ANKRD36: variants seen among roughly 807,000 people sequenced by gnomAD.
ANKRD36 encodes ankyrin repeat domain 36, also known as ankyrin repeat domain-containing protein 36A.
In ANKRD36, 179 loss-of-function variants were observed where a neutral mutation model predicts 278.1. The ratio of observed to expected loss-of-function variants is 0.64; its 90% CI spans 0.57 to 0.73. The LOEUF (loss-of-function observed/expected upper bound fraction) is 0.73. Ranked by LOEUF, ANKRD36 falls within the 30% of genes least tolerant of loss-of-function variation. The probability of loss-of-function intolerance (pLI) is 0.00; values close to 1 mark genes in which losing one functional copy is unlikely to be tolerated. For synonymous variants in ANKRD36, 320 were observed against 641.1 expected (o/e 0.50, Z 7.57); for missense variants, 1,159 against 1,956.7 (o/e 0.59, Z 7.69).
chr2:97,165,742 C>A (rs2050457825), intron 20 of ANKRD36, among the ~76,000 whole-genome samples: 2 of 152,214 alleles, frequency 1.3e-5, no homozygotes, highest in African/African-American at 4.8e-5. Context: ...CTGTGTTTTC[C>A]TGTATTTTGT....
At chr2:97,154,969 GA>G (rs953507105) in intron 15 of ANKRD36, among the ~76,000 whole-genome samples, 2 of 142,120 alleles carry the variant, frequency 1.4e-5, no homozygotes, top group Admixed American at 7.0e-5. Flanking sequence ...GGTGTGATCT[GA>G]AAAAAAAATT....
At chr2:97,199,685 T>C (rs550106058) in intron 44 of ANKRD36, among the ~76,000 whole-genome samples, 1 of 152,000 alleles carries the variant, frequency 6.6e-6, no homozygotes, top group South Asian at 2.1e-4. Flanking sequence ...CAAGAGTGGA[T>C]GAAGAAACTT....
intron 44 of ANKRD36, 139 bp from the exon 45 acceptor site, chr2:97,200,195 C>G: frequency 6.5e-7 from 1 of 1,532,608 alleles, no homozygotes; most frequent in East Asian, 2.4e-5. Flanking sequence ...TGTTCTGATC[C>G]CCAGACACAA....
chr2:97,202,412 T>A lies in ANKRD36; in HGVS notation c.2959+19T>A, dbSNP rs1316767287. The A allele has an allele frequency of 1.3e-6, 2 of 1,545,338 alleles. No individual in the cohort carries two copies. The highest frequency in any genetic ancestry group is 2.4e-5 in the South Asian group (2 of 83,950). ...AGGACAGGTAATTTTGAAAACAGAT[T>A]TAATGTCATGTTCAGTCCAGGTAGA... On this transcript the variant is annotated intron_variant, in intron 48 of 75. Coordinates refer to ENST00000420699, the MANE Select transcript of ANKRD36 (RefSeq NM_001354587.1).
At chr2:97,198,710 T>C (rs2060485770) in intron 44 of ANKRD36, 52 bp downstream of exon 44, 1 of 1,488,580 alleles carries the variant, frequency 6.7e-7, no homozygotes, top group Non-Finnish European at 9.1e-7. Flanking sequence ...AGATAAGAAG[T>C]TCTCTTCCCT....
In ANKRD36 at chr2:97,127,102, G is replaced by C; in HGVS notation, c.767G>C (p.Arg256Thr). 34 of 1,315,424 alleles carry C rather than the reference G, an allele frequency of 2.6e-5. No homozygotes were observed. Among genetic ancestry groups the C allele is most frequent in the Non-Finnish European group, 3.4e-5 (33 of 968,022 alleles). The allele number at this position is 1,315,424 out of a possible 1,614,324, so 81.5% of individuals were successfully genotyped here. The change falls in exon 6 of 76, where the codon AGA becomes ACA. Residue 256 changes from arginine (R) to threonine (T), a missense_variant. Coordinates refer to ENST00000420699, the MANE Select transcript of ANKRD36 (RefSeq NM_001354587.1). Reference sequence around the variant, plus strand: ...CTAATTTATGAATACGAAAGAAAGAGATATGAAGATCTTCCTATAAATAGC... The same window carrying C: ...CTAATTTATGAATACGAAAGAAAGACATATGAAGATCTTCCTATAAATAGC... ...FDLIYEYERKRYEDLPINSNP... is the reference protein window; with the variant it reads ...FDLIYEYERKTYEDLPINSNP...
At chr2:97,196,864 G>A in intron 42 of ANKRD36, 76 bp downstream of exon 42, 1 of 1,533,930 alleles carries the variant, frequency 6.5e-7, no homozygotes, top group Non-Finnish European at 8.8e-7. Context: ...TAAATCAGCG[G>A]GGGGCTCATC....
intron 5 of ANKRD36, 114 bp downstream of exon 5, chr2:97,124,711 A>C: frequency 7.8e-7 from 1 of 1,280,750 alleles, no homozygotes; most frequent in African/African-American, 1.6e-5. Flanking sequence ...GTAGTTTTCA[A>C]GTGACAAATT....
rs1010434765 is a variant in ANKRD36, at chr2:97,113,355, C to CG, written c.-380dup. The stretch of plus-strand genomic sequence containing the variant: ...TCCCTGGGCTGCAGAGGGCCCAGCG[C>CG]GGGGGACTCCGAGCGTCGGGAGCCT... On this transcript the variant is annotated 5_prime_UTR_variant, in exon 1 of 76. Transcript: ENST00000420699. 3 of 280,504 alleles carry CG rather than the reference C, an allele frequency of 1.1e-5. No homozygotes were observed. The highest frequency in any genetic ancestry group is 4.7e-5 in the African/African-American group (2 of 42,962). 17.4% of individuals were successfully genotyped at this position (280,504 alleles called of 1,614,324 possible). A position where few individuals can be genotyped will look rare whatever the true frequency, so the allele number is the denominator to read the frequency against.
intron 14 of ANKRD36, among the ~76,000 whole-genome samples, chr2:97,153,107 C>T (rs1165683889): frequency 5.9e-5 from 9 of 152,196 alleles, no homozygotes; most frequent in African/African-American, 2.2e-4. Context: ...AAAATATTAT[C>T]TTACTGTGCT....
At chr2:97,132,073 C>T (rs551990211) in intron 6 of ANKRD36, among the ~76,000 whole-genome samples, 8 of 151,918 alleles carry the variant, frequency 5.3e-5, no homozygotes, top group South Asian at 2.1e-4. Context: ...GTGATCTGCC[C>T]GCCCCAGCCT....
chr2:97,226,825 G>C (rs1341706214), intron 67 of ANKRD36, among the ~76,000 whole-genome samples: 41 of 151,376 alleles, frequency 2.7e-4, no homozygotes, highest in Non-Finnish European at 4.4e-4. Flanking sequence ...AAGGGATCCA[G>C]TTGCAGCTTT....
Position 97,223,130 on chromosome 2 carries a change from T to C in ANKRD36, c.3878-1676T>C, listed in dbSNP as rs1171291393. On this transcript the variant is annotated intron_variant, in intron 66 of 75. Coordinates refer to ENST00000420699, the MANE Select transcript of ANKRD36 (RefSeq NM_001354587.1). The stretch of plus-strand genomic sequence containing the variant: ...TTTTTTTTTTTTTTGAGACAGAGTC[T>C]TGCTCTGTCTCCCAGCCTGGAGTGT... Among the ~76,000 whole-genome samples the C allele has an allele frequency of 5.5e-5, 8 of 146,494 alleles. No homozygotes were observed. The South Asian group carries it at 2.0e-3, about 36-fold the overall frequency.
At chr2:97,206,172 G>A (rs770955159) in intron 52 of ANKRD36, 37 bp downstream of exon 52, 59 of 1,496,396 alleles carry the variant, frequency 3.9e-5, no homozygotes, top group Admixed American at 1.3e-4. Flanking sequence ...ATGTTCAGTC[G>A]AGATAGATAA....
intron 36 of ANKRD36, among the ~76,000 whole-genome samples, chr2:97,191,586 G>A (rs910066872): frequency 2.6e-5 from 4 of 151,666 alleles, no homozygotes; most frequent in African/African-American, 4.8e-5. Flanking sequence ...AGACACTGTA[G>A]AAGGAGACCT....
In ANKRD36 at chr2:97,190,869, A is replaced by G. The variant is rs1265820265; in HGVS notation, c.2246-109A>G. 5.4e-6 allele frequency: 8 copies of G among 1,474,392 alleles called. No homozygotes were observed. In the East Asian group the frequency reaches 7.4e-5, roughly 14 times the overall value. The allele number at this position is 1,474,392 out of a possible 1,614,324, so 91.3% of individuals were successfully genotyped here. ...GACAAAGTAGAAGACATCAGAGCCT[A>G]CACTAGTACAGGCAGAAGGATACAG... On this transcript the variant is annotated intron_variant, in intron 34 of 75. Transcript: ENST00000420699.
At chr2:97,202,758 AACAG>A (rs1392510637) in intron 48 of ANKRD36, among the ~76,000 whole-genome samples, 2 of 151,808 alleles carry the variant, frequency 1.3e-5, no homozygotes, top group African/African-American at 4.8e-5. Flanking sequence ...TACTGCTAAA[AACAG>A]ACAGAAAACT....
chr2:97,117,047 C>CTT (rs58474116), intron 1 of ANKRD36, among the ~76,000 whole-genome samples: 8 of 143,574 alleles, frequency 5.6e-5, no homozygotes, highest in East Asian at 2.0e-4. Flanking sequence ...TCTTTTATTC[C>CTT]TTTTTTTTTT....
At chr2:97,244,155 A>T (rs2075077495) in intron 70 of ANKRD36, 126 bp downstream of exon 70, 1 of 1,242,412 alleles carries the variant, frequency 8.0e-7, no homozygotes, top group South Asian at 1.7e-5. Context: ...CTTAAAAATG[A>T]ATCATGGCAT....
Sources: allele counts gnomAD v4.1 joint callset (sites outside exome capture counted in the v4.1 genomes callset), GRCh38; gene constraint gnomAD v4.1.1; transcripts MANE v1.5; gene names NCBI Gene and HGNC (gene_info 2026-07-23, HGNC 2026-07-21).